Variants in SLC9A7 observed in about 807,000 individuals in gnomAD.
SLC9A7 encodes sodium/hydrogen exchanger 7.
Under a neutral mutation model 52.6 loss-of-function variants are expected in SLC9A7, and 19 were observed. That is an observed-to-expected ratio of 0.36 (90% CI 0.25 to 0.53). The LOEUF is 0.53. SLC9A7 is among the 20% of genes least tolerant of loss of function. The pLI, the probability that SLC9A7 is intolerant of heterozygous loss-of-function variation, is 0.91. For synonymous variants in SLC9A7, 226 were observed against 252.1 expected (o/e 0.90, Z 0.98); for missense variants, 455 against 597.9 (o/e 0.76, Z 2.49).
chrX:46,701,657 T>G (rs1944533497), intron 1 of SLC9A7, among the ~76,000 whole-genome samples: 1 of 111,188 alleles, frequency 9.0e-6, no homozygotes, highest in Non-Finnish European at 1.9e-5. Context: ...GGACTAGATA[T>G]AGTACACCTC....
chrX:46,626,665 G>A (rs779466336), intron 14 of SLC9A7, among the ~76,000 whole-genome samples: 66 of 112,372 alleles, frequency 5.9e-4, no homozygotes, highest in African/African-American at 2.1e-3. Context: ...GGTAAGAGGT[G>A]GCTGGATCAT....
intron 1 of SLC9A7, among the ~76,000 whole-genome samples, chrX:46,733,592 T>C (rs1460815807): frequency 8.9e-6 from 1 of 111,986 alleles, no homozygotes; most frequent in African/African-American, 3.2e-5. Flanking sequence ...ACATATTTTA[T>C]GATACTAGCA....
In SLC9A7 at chrX:46,669,336, C is replaced by T. The variant is rs762835176; in HGVS notation, c.793+271G>A. ...CTGAGGCAGGAGGATTGCTTGAGCC[C>T]AGGAGGTCAAGGCTGCAGTGAGCTG... is the stretch of plus-strand genomic sequence containing the variant. On this transcript the variant is annotated intron_variant, in intron 5 of 16. Transcript: ENST00000616978. Among the ~76,000 whole-genome samples, 4 of 109,617 alleles carry T rather than the reference C, an allele frequency of 3.6e-5. No individual in the cohort carries two copies. The South Asian group carries it at 1.6e-3, about 43-fold the overall frequency.
chrX:46,752,182 A>G (rs986301837), intron 1 of SLC9A7, among the ~76,000 whole-genome samples: 4 of 111,770 alleles, frequency 3.6e-5, no homozygotes, highest in South Asian at 3.7e-4. Flanking sequence ...ACTTTTTGAA[A>G]GTTGCATATG....
At chrX:46,613,539 C>A in intron 15 of SLC9A7, 145 bp from the exon 16 acceptor site, 1 of 401,122 alleles carries the variant, frequency 2.5e-6, no homozygotes, top group Non-Finnish European at 4.3e-6. Flanking sequence ...TTGTAACATG[C>A]AACAGTTTGA....
At chrX:46,704,072 C>T (rs1326887928) in intron 1 of SLC9A7, among the ~76,000 whole-genome samples, 1 of 111,453 alleles carries the variant, frequency 9.0e-6, no homozygotes, top group African/African-American at 3.3e-5. Context: ...CCATTCTTGG[C>T]GCACACTGTC....
chrX:46,675,153 T>C (rs866770945), intron 3 of SLC9A7, among the ~76,000 whole-genome samples: 9 of 105,727 alleles, frequency 8.5e-5, no homozygotes, highest in Middle Eastern at 4.8e-3. Context: ...ACGGCTTCTA[T>C]GGGTGAATTA....
In SLC9A7 at chrX:46,643,265, C is replaced by G. The variant is rs779396045; in HGVS notation, c.1587G>C (p.Thr529=). 2 of 1,207,803 alleles carry G rather than the reference C, an allele frequency of 1.7e-6. No individual in the cohort carries two copies. The highest frequency in any genetic ancestry group is 2.2e-6 in the Non-Finnish European group (2 of 893,734). Residue 529 remains threonine (T), a synonymous_variant, in exon 12 of 17, where the codon ACG becomes ACC. Transcript: ENST00000616978. ...TGTTAAGCCATGACAACATGGGTGT[C>G]GTGCCTCCTCCAATGATCCAGACAG... ...FFTVWIIGGG[T]TPMLSWLNIR...
intron 1 of SLC9A7, among the ~76,000 whole-genome samples, chrX:46,700,864 C>T (rs914994884): frequency 1.8e-5 from 2 of 111,753 alleles, no homozygotes; most frequent in African/African-American, 6.5e-5. Context: ...GGTACCATTG[C>T]TCTAACACAG....
rs782723927 is a variant in SLC9A7, at chrX:46,758,940, A to G, written c.90T>C (p.Gly30=). 1.9e-5 allele frequency: 21 copies of G among 1,103,775 alleles called. No homozygotes were observed. Among genetic ancestry groups the G allele is most frequent in the Non-Finnish European group, 2.5e-5 (21 of 847,661 alleles). 91.0% of individuals were successfully genotyped at this position (1,103,775 alleles called of 1,213,427 possible). Residue 30 remains glycine, a synonymous_variant, in exon 1 of 17, where the codon GGT becomes GGC. Transcript: ENST00000616978. ...CCGCGGCCGCGACTCGCAGCCCCCA[A>G]CCCAGCAGCAGCGGCAGCAGCAGCA... ...PRLLLLPLLL[G]WGLRVAAAAS...
chrX:46,688,737 G>C (rs1335545516), intron 1 of SLC9A7, among the ~76,000 whole-genome samples: 2 of 110,682 alleles, frequency 1.8e-5, no homozygotes, highest in African/African-American at 3.3e-5. Flanking sequence ...AATGCCTAAA[G>C]ATGCTGAGCA....
At chrX:46,717,266 T>C (rs1282353663) in intron 1 of SLC9A7, among the ~76,000 whole-genome samples, 2 of 112,556 alleles carry the variant, frequency 1.8e-5, no homozygotes, top group Non-Finnish European at 3.7e-5. Context: ...CCCTGATACT[T>C]GTGTTAATTT....
In SLC9A7 at chrX:46,731,432, T is replaced by TATATAAAA. The variant is rs748259550; in HGVS notation, c.325+27272_325+27273insTTTTATAT. 2.2e-4 allele frequency among the ~76,000 whole-genome samples: 17 copies of TATATAAAA among 78,231 alleles called. 2 individuals are homozygous for TATATAAAA. Among genetic ancestry groups the TATATAAAA allele is most frequent in the African/African-American group, 2.4e-4 (6 of 25,123 alleles). The allele number at this position is 78,231 out of a possible 115,157, so 67.9% of individuals were successfully genotyped here. ...CATAGCCATACTCCATATAAAAAAT[T>TATATAAAA]AAAAAAAATTAAAATTAAAATTAGC... is the stretch of plus-strand genomic sequence containing the variant. On this transcript the variant is annotated intron_variant, in intron 1 of 16. Transcript: ENST00000616978.
In SLC9A7 at chrX:46,613,402, A is replaced by G. The variant is rs1392614148; in HGVS notation, c.1824-8T>C. ...AGGATGGGCTTCAGGTAACTTTAAA[A>G]TGTGAATTAAGGAAAAATGGCTGCA... is the stretch of plus-strand genomic sequence containing the variant. On this transcript the variant is annotated splice_polypyrimidine_tract_variant and splice_region_variant and intron_variant, in intron 15 of 16. Coordinates refer to ENST00000616978, the MANE Select transcript of SLC9A7 (RefSeq NM_001257291.2). 7.9e-6 allele frequency: 9 copies of G among 1,141,572 alleles called. No individual in the cohort carries two copies. Among genetic ancestry groups the G allele is most frequent in the Non-Finnish European group, 1.1e-5 (9 of 843,179 alleles). The allele number at this position is 1,141,572 out of a possible 1,213,427, so 94.1% of individuals were successfully genotyped here.
intron 13 of SLC9A7, among the ~76,000 whole-genome samples, chrX:46,633,356 A>C (rs1261766213): frequency 1.0e-4 from 9 of 89,966 alleles, no homozygotes; most frequent in African/African-American, 3.7e-4. Flanking sequence ...AAAAAAAAAA[A>C]AAAAAAAAAA....
intron 16 of SLC9A7, among the ~76,000 whole-genome samples, chrX:46,612,904 G>A (rs1039026637): frequency 1.8e-4 from 14 of 79,672 alleles, no homozygotes; most frequent in East Asian, 4.5e-4. Flanking sequence ...CAGCCTGGGC[G>A]ACAGAGTGAG....
In SLC9A7 at chrX:46,599,713, C is replaced by T. The variant is rs1942630507; in HGVS notation, c.*7239G>A. 2 of 111,508 alleles carry T rather than the reference C, an allele frequency of 1.8e-5. No homozygotes were observed. The highest frequency in any genetic ancestry group is 1.9e-4 in the Admixed American group (2 of 10,468). The allele number at this position is 111,508 out of a possible 1,213,427, so 9.2% of individuals were successfully genotyped here. A position where few individuals can be genotyped will look rare whatever the true frequency, so the allele number is the denominator to read the frequency against. ...ATAACGCCAAGTCTTTAATTTTTCA[C>T]AGTTATACTTTAATGTCATTTTATA... On this transcript the variant is annotated 3_prime_UTR_variant, in exon 17 of 17. Coordinates refer to ENST00000616978, the MANE Select transcript of SLC9A7 (RefSeq NM_001257291.2).
chrX:46,699,804 C>A (rs749635600), intron 1 of SLC9A7, among the ~76,000 whole-genome samples: 5 of 111,514 alleles, frequency 4.5e-5, no homozygotes, highest in Non-Finnish European at 7.5e-5. Flanking sequence ...AACACATTTT[C>A]TTTAAAATGC....
At chrX:46,742,519 A>G (rs1207732129) in intron 1 of SLC9A7, among the ~76,000 whole-genome samples, 1 of 111,482 alleles carries the variant, frequency 9.0e-6, no homozygotes, top group Non-Finnish European at 1.9e-5. Context: ...AAAATGTTAC[A>G]TACTGTACAA....
Sources: gnomAD v4.1 joint callset for allele counts (sites outside exome capture counted in the v4.1 genomes callset) on GRCh38, gnomAD v4.1.1 for gene constraint, MANE v1.5 for transcripts, NCBI Gene and HGNC (gene_info 2026-07-23, HGNC 2026-07-21) for gene names.